TMEM255B: variants seen among roughly 807,000 people sequenced by gnomAD.
TMEM255B encodes the protein transmembrane protein 255B, also known as family with sequence similarity 70, member B.
Under a neutral mutation model 34.5 loss-of-function variants are expected in TMEM255B, and 35 were observed. That is an observed-to-expected ratio of 1.01 (90% CI 0.77 to 1.34). TMEM255B has a LOEUF of 1.34. TMEM255B is among the 40% of genes most tolerant of loss of function. TMEM255B has a pLI of 0.00. For missense variants in TMEM255B, 432 were observed against 433.2 expected (o/e 1.00, Z 0.02); for synonymous variants, 206 against 201.2 (o/e 1.02, Z -0.20).
chr13:113,795,063 C>A, intron 3 of TMEM255B, 85 bp from the exon 4 acceptor site: 1 of 1,293,632 alleles, frequency 7.7e-7, no homozygotes, highest in Non-Finnish European at 1.1e-6. Flanking sequence ...GAAGCCCCGA[C>A]CTCGAGCTGG....
At chr13:113,782,096 A>C (rs911249403) in intron 3 of TMEM255B, among the ~76,000 whole-genome samples, 1 of 152,248 alleles carries the variant, frequency 6.6e-6, no homozygotes, top group Non-Finnish European at 1.5e-5. Flanking sequence ...CATAATTTAG[A>C]CCAACTGTTT....
At chr13:113,796,309 ACAC>A (rs1394540429) in intron 4 of TMEM255B, among the ~76,000 whole-genome samples, 1 of 145,960 alleles carries the variant, frequency 6.9e-6, no homozygotes. Flanking sequence ...CACACAGAGT[ACAC>A]ACCTCACACA....
chr13:113,800,066 G>A (rs1157473768), intron 5 of TMEM255B: 20 of 1,189,068 alleles, frequency 1.7e-5, no homozygotes, highest in Non-Finnish European at 2.0e-5. Flanking sequence ...GAGGCATCGT[G>A]TGTGTGTGTG....
In TMEM255B at chr13:113,766,290, G is replaced by GAGGGC. The variant is rs533439573; in HGVS notation, c.189+38_189+42dup. 1,546 of 1,612,968 alleles carry GAGGGC rather than the reference G, an allele frequency of 9.6e-4. 9 individuals carry two copies. In the African/African-American group the frequency reaches 0.012, roughly 13 times the overall value. ...CGCCGGGCGGGCGGCCTGGGCCGGG[G>GAGGGC]AGGGCAGGGTGGTGTGTGGCTCTCT... On this transcript the variant is annotated intron_variant, in intron 2 of 8. Coordinates refer to ENST00000375353, the MANE Select transcript of TMEM255B (RefSeq NM_182614.4).
intron 4 of TMEM255B, among the ~76,000 whole-genome samples, chr13:113,796,458 CCA>C (rs1252530365): frequency 7.2e-6 from 1 of 139,506 alleles, no homozygotes; most frequent in African/African-American, 2.6e-5. Flanking sequence ...AGAGTACACA[CCA>C]CACACACCAC....
In TMEM255B at chr13:113,812,038, CCCT is replaced by C. The variant is rs1365306245; in HGVS notation, c.*136_*138del. On this transcript the variant is annotated 3_prime_UTR_variant, in exon 9 of 9. Transcript: ENST00000375353. The stretch of plus-strand genomic sequence containing the variant: ...CCAGAAGTCTGTCCCCTCCTTTCCT[CCCT>C]GGGCACACTGGTGAGGGAGGCTGGA... 3 of 1,180,842 alleles carry C rather than the reference CCCT, an allele frequency of 2.5e-6. No individual in the cohort carries two copies. Among genetic ancestry groups the C allele is most frequent in the Non-Finnish European group, 3.6e-6 (3 of 842,706 alleles). The allele number at this position is 1,180,842 out of a possible 1,614,324, so 73.1% of individuals were successfully genotyped here. A position where few individuals can be genotyped will look rare whatever the true frequency, so the allele number is the denominator to read the frequency against.
At chr13:113,793,775 G>C (rs775464296) in intron 3 of TMEM255B, among the ~76,000 whole-genome samples, 1 of 152,240 alleles carries the variant, frequency 6.6e-6, no homozygotes, top group East Asian at 1.9e-4. Context: ...CCGCAAAAGG[G>C]CTTGGCCAGC....
At chr13:113,766,635 G>T (rs774601241) in intron 2 of TMEM255B, among the ~76,000 whole-genome samples, 4 of 152,220 alleles carry the variant, frequency 2.6e-5, no homozygotes, top group East Asian at 1.9e-4. Context: ...GTCCAAAAAG[G>T]CCGGACAGAG....
intron 4 of TMEM255B, among the ~76,000 whole-genome samples, chr13:113,795,813 G>A (rs557111055): frequency 1.2e-4 from 11 of 95,050 alleles, no homozygotes; most frequent in East Asian, 7.3e-4. Context: ...CCAAAACAGA[G>A]CACATAGCAC....
At chr13:113,764,016 T>C (rs1010740903) in intron 1 of TMEM255B, among the ~76,000 whole-genome samples, 45 of 152,228 alleles carry the variant, frequency 3.0e-4, no homozygotes, top group African/African-American at 1.1e-3. Context: ...GCAGGGCAGG[T>C]GTCGGGTGCC....
At chr13:113,776,613 T>TC (rs941447445) in intron 3 of TMEM255B, among the ~76,000 whole-genome samples, 4 of 152,212 alleles carry the variant, frequency 2.6e-5, no homozygotes, top group African/African-American at 9.6e-5. Context: ...CCTGTTTTTT[T>TC]CTGCTGTCTG....
chr13:113,764,981 C>G (rs545228078), intron 1 of TMEM255B, among the ~76,000 whole-genome samples: 8 of 152,288 alleles, frequency 5.3e-5, no homozygotes, highest in Non-Finnish European at 1.2e-4. Flanking sequence ...TGCAGTGGGT[C>G]CAAGACGGGG....
intron 5 of TMEM255B, among the ~76,000 whole-genome samples, chr13:113,800,247 C>CTGTG (rs1365681757): frequency 9.5e-6 from 1 of 105,786 alleles, no homozygotes; most frequent in African/African-American, 3.8e-5. Flanking sequence ...GGGAGGCATC[C>CTGTG]TGTGTGTGTG....
chr13:113,761,187 G>T, intron 1 of TMEM255B: 1 of 985,172 alleles, frequency 1.0e-6, no homozygotes, highest in Middle Eastern at 5.2e-4. Flanking sequence ...CTTCTTTTTG[G>T]GCGTTCCAGG....
chr13:113,792,918 C>G (rs1239343185), intron 3 of TMEM255B, among the ~76,000 whole-genome samples: 1 of 152,270 alleles, frequency 6.6e-6, no homozygotes, highest in Non-Finnish European at 1.5e-5. Context: ...CTGTTTTGCT[C>G]ATGTCTGCGC....
At chr13:113,786,728 G>A (rs1456661204) in intron 3 of TMEM255B, among the ~76,000 whole-genome samples, 1 of 152,200 alleles carries the variant, frequency 6.6e-6, no homozygotes, top group Non-Finnish European at 1.5e-5. Flanking sequence ...CTTCCTCTCT[G>A]CTGGGGAGTG....
intron 4 of TMEM255B, among the ~76,000 whole-genome samples, chr13:113,796,248 C>T (rs2050931929): frequency 6.6e-6 from 1 of 151,034 alleles, no homozygotes; most frequent in South Asian, 2.1e-4. Flanking sequence ...ACATAGCACA[C>T]ACCACAGAGT....
intron 3 of TMEM255B, among the ~76,000 whole-genome samples, chr13:113,778,671 T>C (rs1160867538): frequency 5.9e-5 from 8 of 135,074 alleles, no homozygotes; most frequent in East Asian, 4.5e-4. Context: ...CGTCTTCTCC[T>C]GGGTGAGTCT....
intron 5 of TMEM255B, chr13:113,800,098 G>T (rs1323744882): frequency 1.5e-5 from 17 of 1,165,712 alleles, no homozygotes; most frequent in South Asian, 4.8e-5. Flanking sequence ...GTGTGTGTGG[G>T]GGGGGGTAGG....
Sources: gnomAD v4.1 joint callset for allele counts (sites outside exome capture counted in the v4.1 genomes callset) on GRCh38, gnomAD v4.1.1 for gene constraint, MANE v1.5 for transcripts, NCBI Gene and HGNC (gene_info 2026-07-23, HGNC 2026-07-21) for gene names.